GBE1: variants seen among roughly 807,000 people sequenced by gnomAD.
GBE1 encodes the protein 1,4-alpha-glucan-branching enzyme.
In GBE1, 70 loss-of-function variants were observed where a neutral mutation model predicts 88.8. The observed-to-expected ratio is 0.79, with a 90% CI of 0.65 to 0.96. The LOEUF is 0.96. Ranked by LOEUF, GBE1 falls within the 40% of genes least tolerant of loss-of-function variation. The pLI is 0.00. For synonymous variants in GBE1, 284 were observed against 300.1 expected (o/e 0.95, Z 0.56); for missense variants, 872 against 871.0 (o/e 1.00, Z -0.01).
intron 3 of GBE1, among the ~76,000 whole-genome samples, chr3:81,669,716 T>C (rs549672994): frequency 8.5e-5 from 13 of 152,202 alleles, no homozygotes; most frequent in African/African-American, 3.1e-4. Context: ...AAATTTTAAT[T>C]CCTCTTATTG....
chr3:81,731,903 A>G (rs925731481), intron 1 of GBE1, among the ~76,000 whole-genome samples: 6 of 152,184 alleles, frequency 3.9e-5, no homozygotes, highest in Non-Finnish European at 8.8e-5. Context: ...TAGTGTGAGA[A>G]CATACTAATA....
At position 81,537,104 on chromosome 3, in the gene GBE1, C is replaced by A; in HGVS notation, c.1619-9G>T. ...ATGCCCAAATTCATTACCTGCATTACAAAACACATGCAAATATCAGCCTAT... is the reference window on the plus strand; with the variant it reads ...ATGCCCAAATTCATTACCTGCATTAAAAAACACATGCAAATATCAGCCTAT... On this transcript the variant is annotated splice_polypyrimidine_tract_variant and intron_variant, in intron 12 of 15. Transcript: ENST00000429644. 6.8e-7 allele frequency: 1 copy of A among 1,469,312 alleles called. No homozygotes were observed. Among genetic ancestry groups the A allele is most frequent in the South Asian group, 1.5e-5 (1 of 68,580 alleles). The allele number at this position is 1,469,312 out of a possible 1,614,324, so 91.0% of individuals were successfully genotyped here. A position where few individuals can be genotyped will look rare whatever the true frequency, so the allele number is the denominator to read the frequency against.
chr3:81,751,260 T>A (rs893899153), intron 1 of GBE1, among the ~76,000 whole-genome samples: 3 of 152,192 alleles, frequency 2.0e-5, no homozygotes, highest in African/African-American at 7.2e-5. Context: ...TGTGCATAGA[T>A]GTGATTTTAG....
intron 7 of GBE1, among the ~76,000 whole-genome samples, chr3:81,610,589 A>G (rs1003529229): frequency 6.6e-6 from 1 of 152,122 alleles, no homozygotes; most frequent in Non-Finnish European, 1.5e-5. Flanking sequence ...ACAAGGTTTG[A>G]ATATGGCCCA....
chr3:81,551,290 C>T (rs966775253), intron 12 of GBE1, among the ~76,000 whole-genome samples: 8 of 152,184 alleles, frequency 5.3e-5, no homozygotes, highest in African/African-American at 1.9e-4. Flanking sequence ...AGAGATTTTA[C>T]ACAACCATAA....
chr3:81,529,675 G>A (rs548317128), intron 14 of GBE1, among the ~76,000 whole-genome samples: 29 of 151,938 alleles, frequency 1.9e-4, no homozygotes, highest in South Asian at 6.2e-4. Flanking sequence ...ATAAGTATGC[G>A]GCTAGATGTA....
intron 14 of GBE1, among the ~76,000 whole-genome samples, chr3:81,527,098 T>C (rs1702953518): frequency 6.6e-6 from 1 of 152,044 alleles, no homozygotes; most frequent in Non-Finnish European, 1.5e-5. Flanking sequence ...TTGACAAATC[T>C]GACAAAAACA....
Position 81,698,231 on chromosome 3 carries a change from A to C in GBE1, c.313+7213T>G, listed in dbSNP as rs2107156998. On this transcript the variant is annotated intron_variant, in intron 2 of 15. Transcript: ENST00000429644. ...CCAAAAGTTGGTATGTATGTTGAAA[A>C]TATTAGTTAAAAGAGGGAGTAATAA... Among the ~76,000 whole-genome samples, 3 of 152,062 alleles carry C rather than the reference A, an allele frequency of 2.0e-5. No individual in the cohort carries two copies. The South Asian group carries it at 6.2e-4, about 31-fold the overall frequency.
chr3:81,632,640 T>C (rs561684432), intron 7 of GBE1, among the ~76,000 whole-genome samples: 1 of 152,250 alleles, frequency 6.6e-6, no homozygotes, highest in South Asian at 2.1e-4. Context: ...TTGTGGACAG[T>C]GTGGAGATTC....
chr3:81,640,238 G>A (rs1220278044), intron 7 of GBE1, among the ~76,000 whole-genome samples: 1 of 151,710 alleles, frequency 6.6e-6, no homozygotes, highest in Non-Finnish European at 1.5e-5. Context: ...ATTAACATTT[G>A]AGTCAGTGGA....
chr3:81,604,286 CTTTTTT>C (rs775592244), intron 7 of GBE1, among the ~76,000 whole-genome samples: 1 of 54,938 alleles, frequency 1.8e-5, no homozygotes, highest in Admixed American at 2.1e-4. Context: ...TTCTTTCTTT[CTTTTTT>C]TTTTTTTTTT....
intron 1 of GBE1, among the ~76,000 whole-genome samples, chr3:81,707,239 G>C (rs1256439771): frequency 6.6e-6 from 1 of 151,802 alleles, no homozygotes; most frequent in Non-Finnish European, 1.5e-5. Flanking sequence ...GCAGAAAAAG[G>C]CAACATTAAT....
chr3:81,713,333 T>G (rs915327140), intron 1 of GBE1, among the ~76,000 whole-genome samples: 5 of 152,210 alleles, frequency 3.3e-5, no homozygotes, highest in African/African-American at 1.2e-4. Context: ...AAAAATTGGA[T>G]GCTTCTTGAC....
Position 81,616,897 on chromosome 3 carries a change from T to C in GBE1, c.993-22874A>G, listed in dbSNP as rs950603659. Among the ~76,000 whole-genome samples the C allele has an allele frequency of 2.6e-5, 4 of 152,068 alleles. No homozygotes were observed. The South Asian group carries it at 8.3e-4, about 31-fold the overall frequency. On this transcript the variant is annotated intron_variant, in intron 7 of 15. Transcript: ENST00000429644. ...TTATAGTTTTCATTATACATTCCTGTATATATTTTATTGGATTTACATCTT... is the reference window on the plus strand; with the variant it reads ...TTATAGTTTTCATTATACATTCCTGCATATATTTTATTGGATTTACATCTT...
chr3:81,685,779 G>C (rs1196151204), intron 2 of GBE1, among the ~76,000 whole-genome samples: 1 of 151,982 alleles, frequency 6.6e-6, no homozygotes, highest in South Asian at 2.1e-4. Context: ...ATTCAAATAG[G>C]ATGAATTGAT....
At chr3:81,629,717 T>A (rs188162290) in intron 7 of GBE1, among the ~76,000 whole-genome samples, 3,325 of 151,892 alleles carry the variant, frequency 0.022, 45 homozygotes, top group Non-Finnish European at 0.032. Context: ...TTATATATTT[T>A]TTATTATTAT....
chr3:81,678,058 T>C (rs1705287121), intron 2 of GBE1, among the ~76,000 whole-genome samples: 1 of 152,194 alleles, frequency 6.6e-6, no homozygotes, highest in Non-Finnish European at 1.5e-5. Flanking sequence ...TTCTGAGAAA[T>C]GTGTCATTAG....
intron 3 of GBE1, 61 bp downstream of exon 3, chr3:81,670,777 T>G: frequency 2.3e-6 from 2 of 885,358 alleles, no homozygotes; most frequent in Non-Finnish European, 3.4e-6. Context: ...TAAATCAAAC[T>G]TGGCAAACAA....
intron 1 of GBE1, among the ~76,000 whole-genome samples, chr3:81,750,181 T>C (rs1706477604): frequency 6.6e-6 from 1 of 152,092 alleles, no homozygotes; most frequent in African/African-American, 2.4e-5. Context: ...TGTCAGAGTA[T>C]TTTAATGCAG....
Sources: gnomAD v4.1 joint callset for allele counts (sites outside exome capture counted in the v4.1 genomes callset) on GRCh38, gnomAD v4.1.1 for gene constraint, MANE v1.5 for transcripts, NCBI Gene and HGNC (gene_info 2026-07-23, HGNC 2026-07-21) for gene names.